The following MICAL2 variants were observed in gnomAD, a reference collection of about 807,000 sequenced individuals.
MICAL2 encodes microtubule associated monooxygenase, calponin and LIM domain containing 2, also known as [F-actin]-monooxygenase MICAL2.
MICAL2 carries 77 observed loss-of-function variants against 127.3 expected under a neutral mutation model. The observed-to-expected ratio is 0.60, with a 90% CI of 0.50 to 0.73. MICAL2 has a LOEUF of 0.73. Ranked by LOEUF, MICAL2 falls within the 30% of genes least tolerant of loss-of-function variation. The probability of loss-of-function intolerance (pLI) is 0.00; values close to 1 mark genes in which losing one functional copy is unlikely to be tolerated. For synonymous variants in MICAL2, 570 were observed against 551.1 expected, an observed-to-expected ratio of 1.03 and a Z score of -0.48; for missense variants, 1,351 against 1,434.4, an observed-to-expected ratio of 0.94 and a Z score of 0.94.
intron 15 of MICAL2, among the ~76,000 whole-genome samples, chr11:12,228,571 G>A (rs557713344): frequency 1.3e-5 from 2 of 152,334 alleles, no homozygotes; most frequent in South Asian, 4.1e-4. Flanking sequence ...TGAGAACCAA[G>A]AGTCCGAACC....
intron 31 of MICAL2, among the ~76,000 whole-genome samples, chr11:12,327,012 G>A (rs1170051121): frequency 1.3e-5 from 2 of 152,204 alleles, no homozygotes; most frequent in African/African-American, 4.8e-5. Flanking sequence ...AAACATCAGG[G>A]TATAGTTGTC....
intron 15 of MICAL2, 50 bp from the exon 16 acceptor site, chr11:12,236,127 G>C: frequency 1.3e-6 from 2 of 1,522,736 alleles, no homozygotes; most frequent in African/African-American, 2.7e-5. Context: ...TAGTGGGACT[G>C]AAGCCCTTGG....
chr11:12,291,832 G>C (rs918901479), downstream of MICAL2, among the ~76,000 whole-genome samples: 7 of 152,158 alleles, frequency 4.6e-5, no homozygotes, highest in Non-Finnish European at 8.8e-5. Flanking sequence ...GCTCTTTGGA[G>C]GCAGATGAGC....
intron 1 of MICAL2, among the ~76,000 whole-genome samples, chr11:12,125,400 T>G (rs1850834745): frequency 6.6e-6 from 1 of 152,222 alleles, no homozygotes; most frequent in Admixed American, 6.5e-5. Flanking sequence ...AATACAGGCA[T>G]GCACCACCAT....
At chr11:12,268,931 G>A (rs1041538496) in intron 24 of MICAL2, among the ~76,000 whole-genome samples, 4 of 152,214 alleles carry the variant, frequency 2.6e-5, no homozygotes, top group Admixed American at 6.5e-5. Flanking sequence ...CCCGGGAGGC[G>A]GAGCTTGCAG....
In MICAL2 at chr11:12,256,791, A is replaced by G. The variant is rs779814878; in HGVS notation, c.2962A>G (p.Met988Val). 8.1e-6 allele frequency: 13 copies of G among 1,611,044 alleles called. No individual in the cohort carries two copies. The highest frequency in any genetic ancestry group is 1.1e-5 in the Non-Finnish European group (13 of 1,178,244). ...CTTCTCTCCCGATCCCCAGGAATCTATGCGAAAGTCATTTCCCCTTAACCT... is the reference window on the plus strand; with the variant it reads ...CTTCTCTCCCGATCCCCAGGAATCTGTGCGAAAGTCATTTCCCCTTAACCT... ...AQATSPDLES[M>V]RKSFPLNLGG... The change falls in exon 24 of 28, where the codon ATG becomes GTG. Residue 988 changes from methionine to valine, a missense_variant. Physicochemically the swap from Met to Val is conservative, Grantham distance 21. Coordinates refer to ENST00000683283, the MANE Select transcript of MICAL2 (RefSeq NM_001282663.2).
At chr11:12,121,320 G>T (rs1850491640) in intron 1 of MICAL2, among the ~76,000 whole-genome samples, 1 of 152,184 alleles carries the variant, frequency 6.6e-6, no homozygotes, top group South Asian at 2.1e-4. Flanking sequence ...GCTACTGCTG[G>T]AGCAGGAGCA....
At chr11:12,158,373 A>G (rs371532025) in intron 2 of MICAL2, among the ~76,000 whole-genome samples, 140 of 152,246 alleles carry the variant, frequency 9.2e-4, no homozygotes, top group African/African-American at 3.3e-3. Flanking sequence ...AATCGTAATG[A>G]GTATTGGTTA....
chr11:12,226,378 C>T lies in MICAL2; in HGVS notation c.1888+8C>T. ...CCCCACTGAGGCCCGTGGGTAAGCA[C>T]CTGCACAGAGGTTTTGCTTAGCCCC... On this transcript the variant is annotated splice_region_variant and intron_variant, in intron 14 of 27. Coordinates refer to ENST00000683283, the MANE Select transcript of MICAL2 (RefSeq NM_001282663.2). The T allele has an allele frequency of 1.2e-6, 2 of 1,613,616 alleles. No homozygotes were observed. The highest frequency in any genetic ancestry group is 1.1e-5 in the South Asian group (1 of 91,056).
At chr11:12,309,156 TCAAA>T (rs1864145004) in intron 29 of MICAL2, among the ~76,000 whole-genome samples, 1 of 152,212 alleles carries the variant, frequency 6.6e-6, no homozygotes, top group African/African-American at 2.4e-5. Flanking sequence ...TCAATTTACT[TCAAA>T]CATTCATCTC....
intron 15 of MICAL2, among the ~76,000 whole-genome samples, chr11:12,235,096 T>C (rs1236736693): frequency 6.6e-6 from 1 of 152,298 alleles, no homozygotes; most frequent in African/African-American, 2.4e-5. Context: ...CTCCCGTGGC[T>C]GAAGACTGGT....
Position 12,226,196 on chromosome 11 carries a change from G to C in MICAL2, c.1714G>C (p.Asp572His). Residue 572 changes from aspartate (D) to histidine (H), a missense_variant, in exon 14 of 28, where the codon GAT becomes CAT. Asp to His is a moderately conservative substitution (Grantham distance 81). Coordinates refer to ENST00000683283, the MANE Select transcript of MICAL2 (RefSeq NM_001282663.2). The part of the protein sequence containing the change: ...LINFDSLNED[D>H]AVENNQLAFD... Reference sequence around the variant, plus strand: ...CAACTTTGACTCTTTGAATGAAGATGATGCTGTGGAGAACAACCAGCTCGC... The same window carrying C: ...CAACTTTGACTCTTTGAATGAAGATCATGCTGTGGAGAACAACCAGCTCGC... 1 of 1,614,250 alleles carries C rather than the reference G, an allele frequency of 6.2e-7. No homozygotes were observed. Among genetic ancestry groups the C allele is most frequent in the Non-Finnish European group, 8.5e-7 (1 of 1,180,048 alleles).
At chr11:12,286,114 G>T (rs562364457) in intron 2 of MICAL2, among the ~76,000 whole-genome samples, 22 of 152,156 alleles carry the variant, frequency 1.4e-4, no homozygotes, top group Non-Finnish European at 8.8e-5. Flanking sequence ...TGTTCATTTT[G>T]CTCAGCTAAT....
intron 2 of MICAL2, among the ~76,000 whole-genome samples, chr11:12,281,280 C>A (rs1173105008): frequency 6.6e-6 from 1 of 152,200 alleles, no homozygotes; most frequent in Non-Finnish European, 1.5e-5. Flanking sequence ...TTGAACCAGG[C>A]CTGGCTTCCC....
chr11:12,279,616 A>G (rs1220850339), intron 1 of MICAL2, among the ~76,000 whole-genome samples: 1 of 152,198 alleles, frequency 6.6e-6, no homozygotes, highest in African/African-American at 2.4e-5. Context: ...TGGGAAGTCC[A>G]AGGGTGGTCC....
chr11:12,176,694 T>C (rs550199007), intron 3 of MICAL2, among the ~76,000 whole-genome samples: 33 of 152,348 alleles, frequency 2.2e-4, no homozygotes, highest in African/African-American at 7.5e-4. Flanking sequence ...TGAATTTGAT[T>C]ACCGAAGTAT....
At chr11:12,278,243 ACTT>A (rs1390465157) in intron 1 of MICAL2, among the ~76,000 whole-genome samples, 1 of 152,210 alleles carries the variant, frequency 6.6e-6, no homozygotes, top group Non-Finnish European at 1.5e-5. Flanking sequence ...TACTTTCTAA[ACTT>A]CTTTATTGTA....
At chr11:12,132,965 C>T (rs1043716777) in intron 1 of MICAL2, among the ~76,000 whole-genome samples, 1 of 152,186 alleles carries the variant, frequency 6.6e-6, no homozygotes, top group African/African-American at 2.4e-5. Context: ...CTTGCCTGTG[C>T]TCATTTGTGT....
At position 12,226,261 on chromosome 11, in the gene MICAL2, G is replaced by A. The variant is rs968946803; in HGVS notation, c.1779G>A (p.Val593=). ...AGCGAGAGTTTGGGATCCCTCCAGTGACCACGGGCAAAGAGATGGCATCTG... is the reference window on the plus strand; with the variant it reads ...AGCGAGAGTTTGGGATCCCTCCAGTAACCACGGGCAAAGAGATGGCATCTG... The part of the protein sequence containing the change: ...VAEREFGIPP[V]TTGKEMASAQ... Residue 593 remains valine (V), a synonymous_variant, in exon 14 of 28, where the codon GTG becomes GTA. Coordinates refer to ENST00000683283, the MANE Select transcript of MICAL2 (RefSeq NM_001282663.2). The A allele has an allele frequency of 6.2e-7, 1 of 1,614,234 alleles. No homozygotes were observed. The highest frequency in any genetic ancestry group is 1.1e-5 in the South Asian group (1 of 91,080).
Sources: gnomAD v4.1 joint callset for allele counts (sites outside exome capture counted in the v4.1 genomes callset) on GRCh38, gnomAD v4.1.1 for gene constraint, MANE v1.5 for transcripts, NCBI Gene and HGNC (gene_info 2026-07-23, HGNC 2026-07-21) for gene names.